Variants in THADA observed in about 807,000 individuals in gnomAD.
The protein encoded by THADA is tRNA (32-2'-O)-methyltransferase regulator THADA.
A neutral mutation model predicts 219.8 loss-of-function variants in THADA; 213 were observed. The ratio of observed to expected loss-of-function variants is 0.97; its 90% confidence interval spans 0.87 to 1.09. The LOEUF (loss-of-function observed/expected upper bound fraction) is 1.09. Ranked by LOEUF, THADA falls within the 50% of genes least tolerant of loss-of-function variation. The probability of loss-of-function intolerance (pLI) is 0.00; values close to 1 mark genes in which losing one functional copy is unlikely to be tolerated. For missense variants in THADA, 2,956 were observed against 2,311.3 expected, an observed-to-expected ratio of 1.28 and a Z score of -5.72; for synonymous variants, 1,018 against 828.9, an observed-to-expected ratio of 1.23 and a Z score of -3.92.
chr2:43,564,224 C>G (rs1472100), intron 15 of THADA: 2 of 152,070 alleles, frequency 1.3e-5, no homozygotes, highest in African/African-American at 2.4e-5. Context: ...GGGAGACTCC[C>G]GCATTCACTG....
intron 16 of THADA, among the ~76,000 whole-genome samples, chr2:43,559,778 A>G (rs1697837452): frequency 6.6e-6 from 1 of 152,214 alleles, no homozygotes; most frequent in Non-Finnish European, 1.5e-5. Context: ...CAGTTTAGCT[A>G]TTGCTGGTTC....
chr2:43,439,283 G>C (rs190995744), intron 26 of THADA, among the ~76,000 whole-genome samples: 1 of 149,548 alleles, frequency 6.7e-6, no homozygotes, highest in Middle Eastern at 3.2e-3. Flanking sequence ...CGGAGAGAGA[G>C]AGAGAAAGAT....
chr2:43,450,135 A>G (rs892881380), intron 26 of THADA, among the ~76,000 whole-genome samples: 5 of 152,166 alleles, frequency 3.3e-5, no homozygotes, highest in African/African-American at 1.2e-4. Context: ...AAAAGCTAGG[A>G]TCATTGTAAC....
At chr2:43,560,419 G>A (rs773846345) in intron 15 of THADA, 34 bp from the exon 16 acceptor site, 70 of 1,435,696 alleles carry the variant, frequency 4.9e-5, no homozygotes, top group Non-Finnish European at 6.3e-5. Flanking sequence ...AGATTTAAAA[G>A]TGAACAAAAA....
intron 35 of THADA, among the ~76,000 whole-genome samples, chr2:43,285,288 G>C (rs1472021368): frequency 6.6e-6 from 1 of 151,766 alleles, no homozygotes; most frequent in Non-Finnish European, 1.5e-5. Context: ...TGGAGGCGGG[G>C]CCTGGTGGGA....
chr2:43,514,625 T>TATATGTATATTTTATATATA (rs1219312950), intron 22 of THADA, among the ~76,000 whole-genome samples: 3 of 104,278 alleles, frequency 2.9e-5, no homozygotes, highest in African/African-American at 1.2e-4. Context: ...ATATTTTATA[T>TATATGTATATTTTATATATA]ATATGTATAT....
chr2:43,251,702 C>G (rs1669823686), intron 36 of THADA, among the ~76,000 whole-genome samples: 1 of 152,216 alleles, frequency 6.6e-6, no homozygotes, highest in Non-Finnish European at 1.5e-5. Flanking sequence ...ATGTCATGCA[C>G]CTTACAATCA....
intron 25 of THADA, among the ~76,000 whole-genome samples, chr2:43,487,520 T>C (rs1476979543): frequency 6.6e-6 from 1 of 152,192 alleles, no homozygotes; most frequent in Non-Finnish European, 1.5e-5. Context: ...TTAGTAATAT[T>C]AAGATGGACC....
chr2:43,281,086 A>G (rs1403461730), intron 35 of THADA, among the ~76,000 whole-genome samples: 1 of 152,164 alleles, frequency 6.6e-6, no homozygotes, highest in Admixed American at 6.5e-5. Flanking sequence ...CATCCTTTCA[A>G]TGGAGAAACT....
At chr2:43,512,503 T>C (rs1017881228) in intron 22 of THADA, among the ~76,000 whole-genome samples, 1 of 152,210 alleles carries the variant, frequency 6.6e-6, no homozygotes, top group East Asian at 1.9e-4. Flanking sequence ...TGTTTGTTTT[T>C]GTTTTGTTTT....
At chr2:43,458,873 T>C (rs1008824469) in intron 26 of THADA, among the ~76,000 whole-genome samples, 2 of 152,156 alleles carry the variant, frequency 1.3e-5, no homozygotes, top group African/African-American at 2.4e-5. Flanking sequence ...GATTCTGACA[T>C]GTAATATGCT....
chr2:43,515,329 A>ATTT (rs1691537046), intron 22 of THADA, among the ~76,000 whole-genome samples: 1 of 24,102 alleles, frequency 4.1e-5, no homozygotes, highest in Non-Finnish European at 7.5e-5. Flanking sequence ...TATATATAAT[A>ATTT]TATAATATAA....
chr2:43,444,737 G>A (rs1258520381), intron 26 of THADA, among the ~76,000 whole-genome samples: 1 of 152,040 alleles, frequency 6.6e-6, no homozygotes. Flanking sequence ...AGGTGGGGGG[G>A]GAGGTATCCA....
intron 30 of THADA, among the ~76,000 whole-genome samples, chr2:43,334,217 G>C (rs1666124911): frequency 6.6e-6 from 1 of 152,116 alleles, no homozygotes; most frequent in Admixed American, 6.5e-5. Flanking sequence ...GTATGGATAG[G>C]GGGTGACAGG....
chr2:43,423,721 C>T (rs1417184419), intron 28 of THADA, among the ~76,000 whole-genome samples: 1 of 152,122 alleles, frequency 6.6e-6, no homozygotes, highest in Non-Finnish European at 1.5e-5. Flanking sequence ...TCTCCTGGGC[C>T]TTTGTTCAGG....
At chr2:43,594,191 C>T (rs1574414344) in intron 1 of THADA, among the ~76,000 whole-genome samples, 1 of 152,166 alleles carries the variant, frequency 6.6e-6, no homozygotes, top group Non-Finnish European at 1.5e-5. Flanking sequence ...TTACAATCAT[C>T]AAAGCAATCT....
intron 20 of THADA, among the ~76,000 whole-genome samples, chr2:43,548,331 G>A (rs891476529): frequency 1.3e-5 from 2 of 152,232 alleles, no homozygotes; most frequent in African/African-American, 4.8e-5. Flanking sequence ...GGACCCACTT[G>A]AGGAGGCAGT....
At chr2:43,426,031 A>T (rs1195233462) in intron 28 of THADA, among the ~76,000 whole-genome samples, 2 of 152,190 alleles carry the variant, frequency 1.3e-5, no homozygotes, top group African/African-American at 2.4e-5. Flanking sequence ...CAACCGCAGC[A>T]TTTTCTTTCA....
rs180909427 is a variant in THADA, at chr2:43,267,295, G to C, written c.5296+12470C>G. Among the ~76,000 whole-genome samples, 15 of 152,360 alleles carry C rather than the reference G, an allele frequency of 9.8e-5. No individual in the cohort carries two copies. In the East Asian group the frequency reaches 2.1e-3, roughly 22 times the overall value. ...GTTGATTTTAGGTGGCCTACCACCT[G>C]AGAGGGTGGACTCCCAACAGTTTAG... On this transcript the variant is annotated intron_variant, in intron 36 of 37. Transcript: ENST00000405975.
Sources: allele counts gnomAD v4.1 joint callset (sites outside exome capture counted in the v4.1 genomes callset), GRCh38; gene constraint gnomAD v4.1.1; transcripts MANE v1.5; gene names NCBI Gene and HGNC (gene_info 2026-07-23, HGNC 2026-07-21).